Variants in TBK1 observed in about 807,000 individuals in gnomAD.
TBK1 encodes the protein TANK binding kinase 1.
In TBK1, 37 loss-of-function variants were observed where a neutral mutation model predicts 99.9. That is an observed-to-expected ratio of 0.37 (90% CI 0.28 to 0.49). TBK1 has a LOEUF of 0.49. Ranked by LOEUF, TBK1 falls within the 20% of genes least tolerant of loss-of-function variation. The probability of loss-of-function intolerance (pLI) is 0.98; values close to 1 mark genes in which losing one functional copy is unlikely to be tolerated. For missense variants in TBK1, 644 were observed against 872.5 expected (o/e 0.74, Z 3.30); for synonymous variants, 258 against 279.8 (o/e 0.92, Z 0.78).
chr12:64,495,830 T>C (rs2040919867), intron 15 of TBK1, 55 bp downstream of exon 15: 2 of 1,351,312 alleles, frequency 1.5e-6, no homozygotes, highest in East Asian at 2.6e-5. Context: ...TAATTAGTTA[T>C]AATTCAGTTA....
At chr12:64,492,871 G>A (rs1565823183) in intron 13 of TBK1, among the ~76,000 whole-genome samples, 2 of 148,374 alleles carry the variant, frequency 1.3e-5, no homozygotes, top group African/African-American at 2.5e-5. Context: ...TCAGGCGCCC[G>A]CCACCACGTC....
intron 18 of TBK1, among the ~76,000 whole-genome samples, 191 bp from the exon 19 acceptor site, chr12:64,497,457 A>G (rs1039838977): frequency 6.6e-6 from 1 of 152,140 alleles, no homozygotes; most frequent in African/African-American, 2.4e-5. Context: ...TATCAACTGT[A>G]TGAAAAGTTT....
chr12:64,454,978 ATTTTTTTTTTTTCTT>A, intron 1 of TBK1, among the ~76,000 whole-genome samples: 1 of 125,642 alleles, frequency 8.0e-6, no homozygotes, highest in African/African-American at 3.0e-5. Flanking sequence ...CGCCCGGCCA[ATTTTTTTTTTTTCTT>A]TTTTTTTTTT....
rs751215465 is a variant in TBK1 at position 64,460,321 on chromosome 12, G to C, written c.220G>C (p.Glu74Gln). 1 of 1,559,206 alleles carries C rather than the reference G, an allele frequency of 6.4e-7. No individual in the cohort carries two copies. The highest frequency in any genetic ancestry group is 8.7e-7 in the Non-Finnish European group (1 of 1,149,760). Residue 74 changes from glutamate to glutamine, a missense_variant, in exon 3 of 21, where the codon GAA becomes CAA. Transcript: ENST00000331710. The part of the protein sequence containing the change: ...HKNIVKLFAI[E>Q]EETTTRHKVL... ...AAATATTGTCAAATTATTTGCTATTGAAGAGGAGGTAAGTAGTAAAACTTC... is the reference window on the plus strand; with the variant it reads ...AAATATTGTCAAATTATTTGCTATTCAAGAGGAGGTAAGTAGTAAAACTTC...
Position 64,495,580 on chromosome 12 carries a change from A to T in TBK1, c.1619A>T (p.Glu540Val), listed in dbSNP as rs768023625. 37 of 1,613,948 alleles carry T rather than the reference A, an allele frequency of 2.3e-5. No individual in the cohort carries two copies. The highest frequency in any genetic ancestry group is 3.1e-5 in the Non-Finnish European group (37 of 1,179,968). ...GSLADAWAHQ[E>V]GTHPKDRNVE... Reference sequence around the variant, plus strand: ...CTGGCAGACGCATGGGCACATCAAGAAGGCACTCATCCGAAAGACAGAAAG... The same window carrying T: ...CTGGCAGACGCATGGGCACATCAAGTAGGCACTCATCCGAAAGACAGAAAG... Residue 540 changes from glutamate to valine, a missense_variant, in exon 14 of 21, where the codon GAA becomes GTA. Glu to Val is a moderately radical substitution (Grantham distance 121). Transcript: ENST00000331710.
At chr12:64,482,116 C>A in intron 8 of TBK1, 95 bp downstream of exon 8, 1 of 778,482 alleles carries the variant, frequency 1.3e-6, no homozygotes, top group Non-Finnish European at 1.8e-6. Context: ...CTCAGCTTCA[C>A]CAAAAGTACC....
intron 2 of TBK1, among the ~76,000 whole-genome samples, chr12:64,457,236 A>G (rs2040499537): frequency 6.6e-6 from 1 of 152,174 alleles, no homozygotes; most frequent in Admixed American, 6.5e-5. Context: ...GGGAGAGAAT[A>G]TTGACTATAA....
chr12:64,469,802 T>C (rs1017982643), intron 5 of TBK1, among the ~76,000 whole-genome samples: 1 of 151,996 alleles, frequency 6.6e-6, no homozygotes, highest in Non-Finnish European at 1.5e-5. Flanking sequence ...CTTTTTTTTT[T>C]TCCCCAACCC....
chr12:64,460,832 C>CAAAA (rs1221718352), intron 3 of TBK1, among the ~76,000 whole-genome samples: 7 of 45,442 alleles, frequency 1.5e-4, no homozygotes, highest in Non-Finnish European at 2.2e-4. Context: ...GACTCCATCT[C>CAAAA]AAAAAAAAAA....
chr12:64,461,110 G>T (rs1466654861), intron 3 of TBK1, among the ~76,000 whole-genome samples: 5 of 150,866 alleles, frequency 3.3e-5, no homozygotes, highest in African/African-American at 1.2e-4. Flanking sequence ...AAATAAAAGG[G>T]TATTGAATAT....
At chr12:64,462,160 G>C (rs762942569) in intron 3 of TBK1, among the ~76,000 whole-genome samples, 2 of 152,104 alleles carry the variant, frequency 1.3e-5, no homozygotes, top group Non-Finnish European at 2.9e-5. Flanking sequence ...ACTCTCCAGT[G>C]GCCAAAGCCC....
In TBK1 at chr12:64,468,198, A is replaced by T. The variant is rs181926887; in HGVS notation, c.540+1116A>T. Reference sequence around the variant, plus strand: ...GCAAGACTCTGTCTCTTAATTTTTTAAAAAAAGGTACCTGGCCCAGGCATG... The same window carrying T: ...GCAAGACTCTGTCTCTTAATTTTTTTAAAAAAGGTACCTGGCCCAGGCATG... On this transcript the variant is annotated intron_variant, in intron 5 of 20. Coordinates refer to ENST00000331710, the MANE Select transcript of TBK1 (RefSeq NM_013254.4). Among the ~76,000 whole-genome samples, 27 of 152,088 alleles carry T rather than the reference A, an allele frequency of 1.8e-4. No homozygotes were observed. The East Asian group carries it at 4.5e-3, about 25-fold the overall frequency.
chr12:64,495,579 G>A lies in TBK1; in HGVS notation c.1618G>A (p.Glu540Lys). 6.2e-7 allele frequency: 1 copy of A among 1,614,076 alleles called. No homozygotes were observed. Among genetic ancestry groups the A allele is most frequent in the South Asian group, 1.1e-5 (1 of 91,072 alleles). ...ACTGGCAGACGCATGGGCACATCAA[G>A]AAGGCACTCATCCGAAAGACAGAAA... The part of the protein sequence containing the change: ...GSLADAWAHQ[E>K]GTHPKDRNVE... Residue 540 changes from glutamate (E) to lysine (K), a missense_variant, in exon 14 of 21, where the codon GAA becomes AAA. Glu to Lys is a moderately conservative substitution (Grantham distance 56). Around this residue, in one of 3 missense-constraint regions of TBK1, gnomAD observed 465 missense variants for 588.0 expected, o/e 0.79. Transcript: ENST00000331710.
chr12:64,482,498 T>C (rs1422942415), intron 8 of TBK1, among the ~76,000 whole-genome samples: 1 of 152,182 alleles, frequency 6.6e-6, no homozygotes, highest in African/African-American at 2.4e-5. Context: ...CAGTGTTTGT[T>C]TTATGTAAAC....
chr12:64,474,305 A>G lies in TBK1; in HGVS notation c.616A>G (p.Ser206Gly). Reference sequence around the variant, plus strand: ...ATATGGAGCAACAGTTGATCTTTGGAGCATTGGGGTAACATTTTACCATGC... The same window carrying G: ...ATATGGAGCAACAGTTGATCTTTGGGGCATTGGGGTAACATTTTACCATGC... ...KKYGATVDLW[S>G]IGVTFYHAAT... Residue 206 changes from serine to glycine, a missense_variant, in exon 6 of 21, where the codon AGC (serine) becomes GGC (glycine). Transcript: ENST00000331710. 6.2e-7 allele frequency: 1 copy of G among 1,613,936 alleles called. No individual in the cohort carries two copies. The highest frequency in any genetic ancestry group is 8.5e-7 in the Non-Finnish European group (1 of 1,179,970).
intron 1 of TBK1, chr12:64,452,636 A>C (rs1474494518): frequency 6.6e-6 from 1 of 152,098 alleles, no homozygotes; most frequent in Non-Finnish European, 1.5e-5. Flanking sequence ...GCAGTTTTTA[A>C]ATGTATTGAT....
intron 11 of TBK1, 138 bp downstream of exon 11, chr12:64,486,155 A>C: frequency 1.9e-6 from 1 of 531,368 alleles, no homozygotes; most frequent in South Asian, 3.0e-5. Context: ...AGTTTATAAA[A>C]CATTTAGCAG....
Position 64,499,439 on chromosome 12 carries a change from G to A in TBK1, c.2138+1400G>A, listed in dbSNP as rs370153584. 2.0e-4 allele frequency among the ~76,000 whole-genome samples: 30 copies of A among 151,986 alleles called. 1 individual carries two copies. In the South Asian group the frequency reaches 5.6e-3, roughly 28 times the overall value. On this transcript the variant is annotated intron_variant, in intron 20 of 20. Transcript: ENST00000331710. ...AATGTATAACATCTTTTAAACATTC[G>A]CCAATTTGTTTAGTAAAAACCGAGA...
intron 8 of TBK1, among the ~76,000 whole-genome samples, chr12:64,482,963 A>G (rs1038655497): frequency 3.3e-5 from 5 of 152,216 alleles, no homozygotes; most frequent in African/African-American, 1.2e-4. Flanking sequence ...GCTGGTTGTG[A>G]TGCTTTGCTA....
Sources: gnomAD v4.1 joint callset for allele counts (sites outside exome capture counted in the v4.1 genomes callset) on GRCh38, gnomAD v4.1.1 for gene constraint, gnomAD v4.1.1 regional missense constraint, MANE v1.5 for transcripts, NCBI Gene and HGNC (gene_info 2026-07-23, HGNC 2026-07-21) for gene names.